The following CDH8 variants were observed in gnomAD, a reference collection of about 807,000 sequenced individuals.
CDH8 encodes the protein cadherin-8.
In CDH8, 17 loss-of-function variants were observed where a neutral mutation model predicts 68.1. The observed-to-expected ratio is 0.25, with a 90% CI of 0.17 to 0.37. CDH8 has a LOEUF of 0.37. CDH8 is among the 10% of genes least tolerant of loss of function. CDH8 has a pLI of 1.00. For missense variants in CDH8, 763 were observed against 999.3 expected, an observed-to-expected ratio of 0.76 and a Z score of 3.19; for synonymous variants, 372 against 365.1, an observed-to-expected ratio of 1.02 and a Z score of -0.21.
At chr16:61,679,775 C>T (rs747215536) in intron 10 of CDH8, among the ~76,000 whole-genome samples, 4 of 151,908 alleles carry the variant, frequency 2.6e-5, no homozygotes, top group African/African-American at 9.7e-5. Context: ...GATGATGGCT[C>T]TAGTTTGTTC....
At chr16:61,869,493 T>C (rs1057153429) in intron 3 of CDH8, among the ~76,000 whole-genome samples, 2 of 152,198 alleles carry the variant, frequency 1.3e-5, no homozygotes, top group African/African-American at 2.4e-5. Context: ...TTGACTGTTA[T>C]AGTACATGAA....
intron 8 of CDH8, among the ~76,000 whole-genome samples, chr16:61,737,081 T>G (rs1959718386): frequency 1.3e-5 from 2 of 152,122 alleles, no homozygotes; most frequent in Non-Finnish European, 2.9e-5. Flanking sequence ...CACCTCTCTG[T>G]CACATACCCT....
intron 3 of CDH8, among the ~76,000 whole-genome samples, chr16:61,895,610 AACTT>A (rs567802503): frequency 2.8e-3 from 423 of 152,320 alleles, no homozygotes; most frequent in Non-Finnish European, 4.2e-3. Context: ...AATTTCTACC[AACTT>A]AAACACTACT....
At chr16:61,774,528 T>G (rs1425250094) in intron 8 of CDH8, among the ~76,000 whole-genome samples, 3 of 151,582 alleles carry the variant, frequency 2.0e-5, no homozygotes, top group African/African-American at 7.3e-5. Flanking sequence ...CTGCATGGGA[T>G]TTTTAACAAA....
intron 9 of CDH8, among the ~76,000 whole-genome samples, chr16:61,716,347 A>G (rs1180166799): frequency 2.0e-5 from 3 of 151,732 alleles, no homozygotes; most frequent in East Asian, 1.9e-4. Flanking sequence ...GCAAAGAAGC[A>G]TAACTACCTG....
intron 10 of CDH8, among the ~76,000 whole-genome samples, chr16:61,712,312 A>G (rs1387892357): frequency 6.6e-6 from 1 of 151,698 alleles, no homozygotes; most frequent in African/African-American, 2.4e-5. Flanking sequence ...CATTCACCCA[A>G]TACCTTATGT....
At chr16:61,871,208 A>T (rs906019863) in intron 3 of CDH8, among the ~76,000 whole-genome samples, 13 of 151,860 alleles carry the variant, frequency 8.6e-5, no homozygotes, top group Non-Finnish European at 1.5e-4. Flanking sequence ...TTGAGACAGG[A>T]TCTCACTCTG....
chr16:61,730,291 C>T (rs1159846389), intron 8 of CDH8, among the ~76,000 whole-genome samples: 4 of 151,494 alleles, frequency 2.6e-5, no homozygotes, highest in East Asian at 3.9e-4. Context: ...TGTTATTTAT[C>T]TATCCCTGGG....
chr16:61,963,914 G>A (rs1195996773), intron 2 of CDH8, among the ~76,000 whole-genome samples: 2 of 152,100 alleles, frequency 1.3e-5, no homozygotes, highest in African/African-American at 4.8e-5. Flanking sequence ...GCAGCCAATG[G>A]CAACACAATT....
chr16:61,901,280 G>C lies in CDH8; in HGVS notation c.446C>G (p.Pro149Arg). 6.2e-7 allele frequency: 1 copy of C among 1,613,990 alleles called. No homozygotes were observed. The highest frequency in any genetic ancestry group is 8.5e-7 in the Non-Finnish European group (1 of 1,179,934). The change falls in exon 3 of 12, where the codon CCT (proline) becomes CGT (arginine). Residue 149 changes from proline (P) to arginine (R), a missense_variant. Transcript: ENST00000577390. ...VDWETSKPLE[P>R]PSEFIIKVQD... ...AACTTTAATAATAAATTCAGAAGGAGGCTCCAGAGGTTTGCTTGTCTCCCA... is the reference window on the plus strand; with the variant it reads ...AACTTTAATAATAAATTCAGAAGGACGCTCCAGAGGTTTGCTTGTCTCCCA...
intron 7 of CDH8, among the ~76,000 whole-genome samples, chr16:61,792,997 A>C (rs535553545): frequency 5.3e-5 from 8 of 152,046 alleles, no homozygotes; most frequent in African/African-American, 1.9e-4. Flanking sequence ...TTGATATCCT[A>C]ACTCCCAAGG....
At chr16:62,019,642 A>C (rs1902024284) in intron 2 of CDH8, among the ~76,000 whole-genome samples, 1 of 152,162 alleles carries the variant, frequency 6.6e-6, no homozygotes, top group Non-Finnish European at 1.5e-5. Flanking sequence ...ACGCACTATG[A>C]CTATAATAGC....
chr16:61,739,715 G>A (rs762628674), intron 8 of CDH8, among the ~76,000 whole-genome samples: 8 of 139,492 alleles, frequency 5.7e-5, no homozygotes, highest in East Asian at 2.0e-4. Flanking sequence ...GCAACAGAGC[G>A]AGACTCTGCC....
At chr16:61,995,168 A>G (rs1965788215) in intron 2 of CDH8, among the ~76,000 whole-genome samples, 1 of 152,234 alleles carries the variant, frequency 6.6e-6, no homozygotes, top group Non-Finnish European at 1.5e-5. Flanking sequence ...TTTATAAGAC[A>G]TAGAAATTAT....
rs539126764 is a variant in CDH8 at position 61,703,611 on chromosome 16, C to T, written c.1654+10230G>A. ...ATCTCAGCACTTTGGGAGGCCGAGGCGCATGGATCACGAGGTCAGGAGATC... is the reference window on the plus strand; with the variant it reads ...ATCTCAGCACTTTGGGAGGCCGAGGTGCATGGATCACGAGGTCAGGAGATC... On this transcript the variant is annotated intron_variant, in intron 10 of 11. Coordinates refer to ENST00000577390, the MANE Select transcript of CDH8 (RefSeq NM_001796.5). 3.6e-3 allele frequency among the ~76,000 whole-genome samples: 547 copies of T among 152,180 alleles called. 3 individuals carry two copies. Among genetic ancestry groups the T allele is most frequent in the African/African-American group, 0.013 (532 of 41,544 alleles).
chr16:61,930,299 A>C (rs1331804271), intron 2 of CDH8, among the ~76,000 whole-genome samples: 2 of 151,862 alleles, frequency 1.3e-5, no homozygotes, highest in Non-Finnish European at 1.5e-5. Flanking sequence ...ACACACACAC[A>C]CACACACCCC....
intron 2 of CDH8, among the ~76,000 whole-genome samples, chr16:62,008,962 C>T (rs1901738538): frequency 7.2e-6 from 1 of 138,204 alleles, no homozygotes; most frequent in South Asian, 2.4e-4. Flanking sequence ...CACACACACA[C>T]ACATGAGTAT....
chr16:61,757,927 C>T (rs554171818), intron 8 of CDH8, among the ~76,000 whole-genome samples: 75 of 152,176 alleles, frequency 4.9e-4, no homozygotes, highest in Non-Finnish European at 8.7e-4. Context: ...GTTGTTATGC[C>T]GCAGTAGATA....
chr16:62,023,924 C>G (rs1243828548), intron 1 of CDH8, among the ~76,000 whole-genome samples: 1 of 152,206 alleles, frequency 6.6e-6, no homozygotes, highest in Non-Finnish European at 1.5e-5. Flanking sequence ...TATTTGTTTA[C>G]TCAGGCTCAT....
Sources: allele counts gnomAD v4.1 joint callset (sites outside exome capture counted in the v4.1 genomes callset), GRCh38; gene constraint gnomAD v4.1.1; transcripts MANE v1.5; gene names NCBI Gene and HGNC (gene_info 2026-07-23, HGNC 2026-07-21).